ACAP2: variants seen among roughly 807,000 people sequenced by gnomAD.
ACAP2 encodes the protein ArfGAP with coiled-coil, ankyrin repeat and PH domains 2, also known as arf-GAP with coiled-coil, ANK repeat and PH domain-containing protein 2.
A neutral mutation model predicts 115.8 loss-of-function variants in ACAP2; 39 were observed. That is an observed-to-expected ratio of 0.34 (90% CI 0.26 to 0.44). The LOEUF is 0.44. Among genes scored for constraint, ACAP2 ranks in the 20% least tolerant of loss-of-function variants. The pLI, the probability that ACAP2 is intolerant of heterozygous loss-of-function variation, is 1.00. For missense variants in ACAP2, 662 were observed against 927.6 expected, an observed-to-expected ratio of 0.71 and a Z score of 3.72; for synonymous variants, 289 against 315.8, an observed-to-expected ratio of 0.92 and a Z score of 0.90.
At position 195,342,497 on chromosome 3, in the gene ACAP2, G is replaced by A. The variant is rs1730944014; in HGVS notation, c.502C>T (p.His168Tyr). 1 of 1,609,658 alleles carries A rather than the reference G, an allele frequency of 6.2e-7. No individual in the cohort carries two copies. The highest frequency in any genetic ancestry group is 2.2e-5 in the East Asian group (1 of 44,824). ...TGAAGCACATAATCGAGGGCTATGT[G>A]TCGGAAACATTTTCTTGTTGCTGTC... Reference protein sequence around the residue: ...ILTATRKCFRHIALDYVLQIN... With the variant: ...ILTATRKCFRYIALDYVLQIN... The change falls in exon 6 of 23, where the codon CAC becomes TAC. Residue 168 changes from histidine to tyrosine, a missense_variant. By Grantham distance (83) the His-to-Tyr change is moderately conservative. This residue lies in a region of ACAP2 where 401 missense variants were observed against 604.4 expected (regional missense o/e 0.66). Transcript: ENST00000326793.
At chr3:195,434,428 G>C (rs1250057358) in intron 1 of ACAP2, among the ~76,000 whole-genome samples, 1 of 152,048 alleles carries the variant, frequency 6.6e-6, no homozygotes, top group African/African-American at 2.4e-5. Context: ...GTTTGGTAGA[G>C]ACAGGGTCTC....
In ACAP2 at chr3:195,297,206, G is replaced by T; in HGVS notation, c.1471C>A (p.Pro491Thr). ...AAATAGTACCTTTGTCCTGGTTGGG[G>T]TTTCTTTATTCCCATTTTTTCCACA... ...ANVEKMGIKK[P>T]QPGQRQEKEA... is the part of the protein sequence containing the mutation. Residue 491 changes from proline to threonine, a missense_variant, in exon 16 of 23, where the codon CCC becomes ACC. By Grantham distance (38) the Pro-to-Thr change is conservative. Transcript: ENST00000326793. 1 of 1,612,498 alleles carries T rather than the reference G, an allele frequency of 6.2e-7. No individual in the cohort carries two copies. The highest frequency in any genetic ancestry group is 2.2e-5 in the East Asian group (1 of 44,762).
At chr3:195,378,511 C>CA (rs111244710) in intron 4 of ACAP2, among the ~76,000 whole-genome samples, 35,081 of 146,992 alleles carry the variant, frequency 0.24, 4,741 homozygotes, top group East Asian at 0.71. Flanking sequence ...ACAAAACAAA[C>CA]AAACAAAAAA....
Position 195,301,901 on chromosome 3 carries a change from A to T in ACAP2, c.1325+65T>A, listed in dbSNP as rs1577261390. On this transcript the variant is annotated intron_variant, in intron 14 of 22. Coordinates refer to ENST00000326793, the MANE Select transcript of ACAP2 (RefSeq NM_012287.6). Reference sequence around the variant, plus strand: ...AGTGGAAAAGGGCAACTAACAAGTGAAACAACCATTTCTATCTGTGTTTAT... The same window carrying T: ...AGTGGAAAAGGGCAACTAACAAGTGTAACAACCATTTCTATCTGTGTTTAT... The T allele has an allele frequency of 3.2e-6, 5 of 1,550,684 alleles. No homozygotes were observed. In the East Asian group the frequency reaches 1.1e-4, roughly 35 times the overall value.
intron 4 of ACAP2, among the ~76,000 whole-genome samples, chr3:195,369,094 CAAA>C (rs10540801): frequency 2.5e-4 from 28 of 111,486 alleles, no homozygotes; most frequent in Admixed American, 3.5e-4. Context: ...CAAAAACAAA[CAAA>C]AAAAAAAAAA....
At chr3:195,296,296 C>T (rs529528274) in intron 16 of ACAP2, among the ~76,000 whole-genome samples, 6 of 151,856 alleles carry the variant, frequency 4.0e-5, no homozygotes, top group Non-Finnish European at 7.4e-5. Context: ...ACATACTGAA[C>T]GAGCACTATT....
At chr3:195,352,393 AAT>A (rs1174234207) in intron 4 of ACAP2, among the ~76,000 whole-genome samples, 2 of 152,354 alleles carry the variant, frequency 1.3e-5, no homozygotes, top group East Asian at 3.9e-4. Flanking sequence ...ATTAAAAATT[AAT>A]ATAAACAATA....
chr3:195,288,794 G>A (rs558125919), intron 21 of ACAP2, among the ~76,000 whole-genome samples: 1 of 152,068 alleles, frequency 6.6e-6, no homozygotes, highest in Non-Finnish European at 1.5e-5. Context: ...GGAGGTGGAG[G>A]TTGCAGGGAG....
At chr3:195,378,085 AGG>A (rs113529078) in intron 4 of ACAP2, among the ~76,000 whole-genome samples, 26 of 137,598 alleles carry the variant, frequency 1.9e-4, no homozygotes, top group African/African-American at 7.3e-4. Context: ...GAAGGGAGGA[AGG>A]GAGGAGGAGG....
intron 13 of ACAP2, among the ~76,000 whole-genome samples, chr3:195,302,889 A>G (rs1000619629): frequency 6.6e-6 from 1 of 152,172 alleles, no homozygotes; most frequent in African/African-American, 2.4e-5. Flanking sequence ...GTTCAAGATC[A>G]GCCTGGGCAA....
At position 195,337,601 on chromosome 3, in the gene ACAP2, A is replaced by G. The variant is rs1309908157; in HGVS notation, c.529-625T>C. 3.3e-5 allele frequency among the ~76,000 whole-genome samples: 5 copies of G among 152,116 alleles called. No individual in the cohort carries two copies. The South Asian group carries it at 1.0e-3, about 32-fold the overall frequency. On this transcript the variant is annotated intron_variant, in intron 6 of 22. Coordinates refer to ENST00000326793, the MANE Select transcript of ACAP2 (RefSeq NM_012287.6). ...GTAGCTGGGATTACCGGCTTGTGCCACCACGCTCGGCTAATTTTTTCTATT... is the reference window on the plus strand; with the variant it reads ...GTAGCTGGGATTACCGGCTTGTGCCGCCACGCTCGGCTAATTTTTTCTATT...
At chr3:195,289,289 C>A in intron 20 of ACAP2, 58 bp from the exon 21 acceptor site, 1 of 1,204,264 alleles carries the variant, frequency 8.3e-7, no homozygotes, top group Non-Finnish European at 1.2e-6. Flanking sequence ...AATTAGTATT[C>A]ACCTTAAAAA....
At position 195,442,788 on chromosome 3, in the gene ACAP2, C is replaced by T. The variant is rs550077624; in HGVS notation, c.53+7G>A. 5 of 1,527,822 alleles carry T rather than the reference C, an allele frequency of 3.3e-6. No homozygotes were observed. The highest frequency in any genetic ancestry group is 1.2e-5 in the South Asian group (1 of 81,866). The allele number at this position is 1,527,822 out of a possible 1,614,324, so 94.6% of individuals were successfully genotyped here. On this transcript the variant is annotated splice_region_variant and intron_variant, in intron 1 of 22. Transcript: ENST00000326793. ...CCGCGGTGACGCCGGGCGGCCGTGC[C>T]GGTTACCTGAAGCGGGGCGAGTCCT...
At chr3:195,384,800 T>C (rs1734183665) in intron 2 of ACAP2, among the ~76,000 whole-genome samples, 1 of 151,968 alleles carries the variant, frequency 6.6e-6, no homozygotes, top group South Asian at 2.1e-4. Context: ...GATTAGAAAA[T>C]GACTGATTTT....
chr3:195,341,843 A>C (rs1730898719), intron 6 of ACAP2, among the ~76,000 whole-genome samples: 1 of 152,216 alleles, frequency 6.6e-6, no homozygotes, highest in Non-Finnish European at 1.5e-5. Flanking sequence ...TGTTACAGCA[A>C]CTTAGAAGGA....
intron 11 of ACAP2, 85 bp downstream of exon 11, chr3:195,308,701 G>T (rs968518206): frequency 6.6e-6 from 7 of 1,055,598 alleles, no homozygotes; most frequent in Non-Finnish European, 8.4e-6. Flanking sequence ...TTACACAAAT[G>T]AGTATGTATA....
chr3:195,381,179 T>C, intron 3 of ACAP2, 117 bp from the exon 4 acceptor site: 1 of 711,684 alleles, frequency 1.4e-6, no homozygotes, highest in South Asian at 1.9e-5. Context: ...ACAGTAACAT[T>C]TATTTCCAAT....
rs190260645 is a variant in ACAP2 at position 195,366,845 on chromosome 3, G to C, written c.285+14164C>G. ...ATGGCAGATACAGTCTCCGTAAATGGGAAAAATGAAGGAGTCCTTTACAAC... is the reference window on the plus strand; with the variant it reads ...ATGGCAGATACAGTCTCCGTAAATGCGAAAAATGAAGGAGTCCTTTACAAC... On this transcript the variant is annotated intron_variant, in intron 4 of 22. Coordinates refer to ENST00000326793, the MANE Select transcript of ACAP2 (RefSeq NM_012287.6). Among the ~76,000 whole-genome samples, 30 of 152,008 alleles carry C rather than the reference G, an allele frequency of 2.0e-4. 1 individual carries two copies. Among genetic ancestry groups the C allele is most frequent in the Admixed American group, 1.2e-3 (19 of 15,262 alleles).
Position 195,345,283 on chromosome 3 carries a change from G to A in ACAP2, c.320C>T (p.Ala107Val), listed in dbSNP as rs1371250867. 4.3e-6 allele frequency: 7 copies of A among 1,611,386 alleles called. No homozygotes were observed. The highest frequency in any genetic ancestry group is 5.9e-6 in the Non-Finnish European group (7 of 1,177,966). The change falls in exon 5 of 23, where the codon GCA (alanine) becomes GTA (valine). Residue 107 changes from alanine to valine, a missense_variant. By Grantham distance (64) the Ala-to-Val change is moderately conservative. Around this residue, in one of 3 missense-constraint regions of ACAP2, gnomAD observed 401 missense variants for 604.4 expected, o/e 0.66. Transcript: ENST00000326793. Reference protein sequence around the residue: ...LFDQTQRSIKAQLQNFVKEDL... With the variant: ...LFDQTQRSIKVQLQNFVKEDL... ...CTCTTTAACAAAGTTCTGAAGCTGTGCCTTAATTGATCTCTGAGTTTGGTC... is the reference window on the plus strand; with the variant it reads ...CTCTTTAACAAAGTTCTGAAGCTGTACCTTAATTGATCTCTGAGTTTGGTC...
Sources: gnomAD v4.1 joint callset for allele counts (sites outside exome capture counted in the v4.1 genomes callset) on GRCh38, gnomAD v4.1.1 for gene constraint, gnomAD v4.1.1 regional missense constraint, MANE v1.5 for transcripts, NCBI Gene and HGNC (gene_info 2026-07-23, HGNC 2026-07-21) for gene names.